The following ZNF492 variants were observed in gnomAD, a reference collection of about 807,000 sequenced individuals.
ZNF492 encodes zinc finger protein 115 (Y20).
ZNF492 carries 3 observed loss-of-function variants against 6.4 expected under a neutral mutation model. The ratio of observed to expected loss-of-function variants is 0.47; its 90% CI spans 0.21 to 1.22. The LOEUF (loss-of-function observed/expected upper bound fraction) is 1.22. Among genes scored for constraint, ZNF492 ranks in the 50% most tolerant of loss-of-function variants. The pLI is 0.22. For synonymous variants in ZNF492, 112 were observed against 205.3 expected, an observed-to-expected ratio of 0.55 and a Z score of 3.89; for missense variants, 356 against 612.5, an observed-to-expected ratio of 0.58 and a Z score of 4.42.
At position 22,663,895 on chromosome 19, in the gene ZNF492, T is replaced by C. The variant is rs62118831; in HGVS notation, c.226T>C (p.Cys76Arg). 0.083 allele frequency: 119,342 copies of C among 1,440,808 alleles called. 12,899 individuals carry two copies. The highest frequency in any genetic ancestry group is 0.33 in the African/African-American group (21,269 of 64,724). The allele number at this position is 1,440,808 out of a possible 1,614,324, so 89.3% of individuals were successfully genotyped here. Residue 76 changes from cysteine to arginine, a missense_variant, in exon 4 of 4, where the codon TGT (cysteine) becomes CGT (arginine). By Grantham distance (180) the Cys-to-Arg change is radical. Transcript: ENST00000456783. ...VILRRYKKCGCENLQLRKYCK... is the reference protein window; with the variant it reads ...VILRRYKKCGRENLQLRKYCK... ...ACTGAGAAGATATAAAAAATGTGGA[T>C]GTGAAAATTTACAGTTAAGAAAATA...
intron 3 of ZNF492, among the ~76,000 whole-genome samples, chr19:22,657,816 C>T (rs1382070883): frequency 6.6e-6 from 1 of 152,024 alleles, no homozygotes; most frequent in Non-Finnish European, 1.5e-5. Flanking sequence ...CTATTACAAT[C>T]TGATTATATG....
intron 3 of ZNF492, among the ~76,000 whole-genome samples, chr19:22,658,337 C>A (rs1481408381): frequency 6.6e-6 from 1 of 151,562 alleles, no homozygotes; most frequent in East Asian, 1.9e-4. Flanking sequence ...TTACTTGAAC[C>A]TGGAAGTTTG....
chr19:22,655,736 G>A (rs2957851), intron 3 of ZNF492, among the ~76,000 whole-genome samples: 34,752 of 123,026 alleles, frequency 0.28, 5,064 homozygotes, highest in African/African-American at 0.38. Context: ...AAATAGAAGC[G>A]TTGAGAATGG....
chr19:22,655,031 G>A (rs1395741868), intron 3 of ZNF492, among the ~76,000 whole-genome samples: 1 of 151,530 alleles, frequency 6.6e-6, no homozygotes, highest in African/African-American at 2.4e-5. Context: ...GGTGGCTCAC[G>A]CCTGTAATCC....
chr19:22,635,276 C>T (rs1176466441), intron 1 of ZNF492, among the ~76,000 whole-genome samples: 1 of 152,142 alleles, frequency 6.6e-6, no homozygotes, highest in Non-Finnish European at 1.5e-5. Context: ...GCATTTTTCA[C>T]ATAGGTCCCA....
At chr19:22,655,764 A>T in intron 3 of ZNF492, among the ~76,000 whole-genome samples, 1 of 126,988 alleles carries the variant, frequency 7.9e-6, no homozygotes, top group Admixed American at 8.2e-5. Context: ...AAACTTTTGC[A>T]TTGGTGTCTG....
intron 1 of ZNF492, among the ~76,000 whole-genome samples, chr19:22,636,161 G>A (rs1041889767): frequency 2.6e-5 from 4 of 150,962 alleles, no homozygotes; most frequent in Admixed American, 2.0e-4. Flanking sequence ...GTGCAATGGC[G>A]CGATCTCGGC....
intron 1 of ZNF492, among the ~76,000 whole-genome samples, chr19:22,637,100 C>CA (rs1479605446): frequency 6.6e-6 from 1 of 150,842 alleles, no homozygotes; most frequent in East Asian, 2.0e-4. Context: ...GGATTACAGG[C>CA]TCTTGCCACC....
chr19:22,645,402 T>C (rs767246754), intron 1 of ZNF492, among the ~76,000 whole-genome samples: 4 of 152,150 alleles, frequency 2.6e-5, no homozygotes, highest in Non-Finnish European at 5.9e-5. Flanking sequence ...AAAAGTTTCT[T>C]GTAAATTCTG....
chr19:22,636,516 G>C (rs1025597252), intron 1 of ZNF492, among the ~76,000 whole-genome samples: 3 of 82,060 alleles, frequency 3.7e-5, no homozygotes, highest in Admixed American at 3.3e-4. Flanking sequence ...ATGATCTTCT[G>C]TGTGTGTGTG....
intron 1 of ZNF492, among the ~76,000 whole-genome samples, chr19:22,637,028 T>G (rs1971775672): frequency 6.9e-6 from 1 of 145,048 alleles, no homozygotes; most frequent in South Asian, 2.2e-4. Flanking sequence ...GCAGTTTGAC[T>G]CACTGCAATC....
intron 1 of ZNF492, among the ~76,000 whole-genome samples, chr19:22,652,902 G>T (rs1213645650): frequency 1.3e-5 from 2 of 152,058 alleles, no homozygotes; most frequent in African/African-American, 4.8e-5. Context: ...AAAATAATCT[G>T]CATTAACAAG....
In ZNF492 at chr19:22,664,173, C is replaced by G; in HGVS notation, c.504C>G (p.Pro168=). Reference sequence around the variant, plus strand: ...AAAGAATTCATAGTGGAGAGAAACCCTACAAATGTAAAGAATGTGGGAAAG... The same window carrying G: ...AAAGAATTCATAGTGGAGAGAAACCGTACAAATGTAAAGAATGTGGGAAAG... ...QHKRIHSGEK[P]YKCKECGKAY... Residue 168 remains proline (P), a synonymous_variant, in exon 4 of 4, where the codon CCC becomes CCG. Transcript: ENST00000456783. The G allele has an allele frequency of 6.2e-7, 1 of 1,609,804 alleles. No homozygotes were observed. The highest frequency in any genetic ancestry group is 1.1e-5 in the South Asian group (1 of 90,652).
At position 22,634,453 on chromosome 19, in the gene ZNF492, AC is replaced by A. The variant is rs1971739071; in HGVS notation, c.-110del. On this transcript the variant is annotated 5_prime_UTR_variant, in exon 1 of 4. Coordinates refer to ENST00000456783, the MANE Select transcript of ZNF492 (RefSeq NM_020855.3). The stretch of plus-strand genomic sequence containing the variant: ...GGAGATCCACAGCTAAGACGCTAGG[AC>A]CCCCTGGAAGCCTAGAAACGGTGAG... The A allele has an allele frequency of 3.6e-6, 5 of 1,380,936 alleles. No homozygotes were observed. In the East Asian group the frequency reaches 9.7e-5, roughly 27 times the overall value. The allele number at this position is 1,380,936 out of a possible 1,614,324, so 85.5% of individuals were successfully genotyped here.
rs900659355 is a variant in ZNF492, at chr19:22,665,393, C to G, written c.*128C>G. 1.9e-5 allele frequency: 28 copies of G among 1,459,860 alleles called. No individual in the cohort carries two copies. The highest frequency in any genetic ancestry group is 2.1e-4 in the Middle Eastern group (1 of 4,872). The allele number at this position is 1,459,860 out of a possible 1,614,324, so 90.4% of individuals were successfully genotyped here. On this transcript the variant is annotated 3_prime_UTR_variant, in exon 4 of 4. Transcript: ENST00000456783. ...TGGCAAAACTTACACAATGCTCAAACCTTATTGCACAGGAAAGCCTTTATA... is the reference window on the plus strand; with the variant it reads ...TGGCAAAACTTACACAATGCTCAAAGCTTATTGCACAGGAAAGCCTTTATA...
At chr19:22,649,138 C>G (rs552436026) in intron 1 of ZNF492, among the ~76,000 whole-genome samples, 4 of 152,162 alleles carry the variant, frequency 2.6e-5, no homozygotes, top group Admixed American at 1.3e-4. Flanking sequence ...GACAAAATCC[C>G]TCAGCATTTG....
chr19:22,641,720 TGTCA>T (rs1378921121), intron 1 of ZNF492, among the ~76,000 whole-genome samples: 2 of 152,222 alleles, frequency 1.3e-5, no homozygotes, highest in Admixed American at 6.5e-5. Context: ...ACTATTATTG[TGTCA>T]GTATCTCATT....
In ZNF492 at chr19:22,665,176, A is replaced by C; in HGVS notation, c.1507A>C (p.Lys503Gln). 6.2e-7 allele frequency: 1 copy of C among 1,605,324 alleles called. No individual in the cohort carries two copies. The highest frequency in any genetic ancestry group is 8.5e-7 in the Non-Finnish European group (1 of 1,177,286). The change falls in exon 4 of 4, where the codon AAA becomes CAA. Residue 503 changes from lysine (K) to glutamine (Q), a missense_variant. Coordinates refer to ENST00000456783, the MANE Select transcript of ZNF492 (RefSeq NM_020855.3). ...NRHKMIHTGE[K>Q]LYKPESCNNA... is the part of the protein sequence containing the mutation. ...ACATAAGATGATTCATACTGGAGAG[A>C]AACTCTACAAACCTGAAAGTTGTAA... is the stretch of plus-strand genomic sequence containing the variant.
At chr19:22,655,971 C>T (rs946365446) in intron 3 of ZNF492, among the ~76,000 whole-genome samples, 5 of 143,264 alleles carry the variant, frequency 3.5e-5, no homozygotes, top group Non-Finnish European at 7.6e-5. Context: ...ACTACAGGTG[C>T]GTGCCACCAT....
Sources: allele counts gnomAD v4.1 joint callset (sites outside exome capture counted in the v4.1 genomes callset), GRCh38; gene constraint gnomAD v4.1.1; transcripts MANE v1.5; gene names NCBI Gene and HGNC (gene_info 2026-07-23, HGNC 2026-07-21).